MAP3K7CL: variants seen among roughly 807,000 people sequenced by gnomAD.
MAP3K7CL encodes the protein MAP3K7 C-terminal-like protein.
MAP3K7CL carries 16 observed loss-of-function variants against 18.6 expected under a neutral mutation model. The observed-to-expected ratio is 0.86, with a 90% CI of 0.58 to 1.31. The LOEUF is 1.31. Ranked by LOEUF, MAP3K7CL falls within the 50% of genes most tolerant of loss-of-function variation. The pLI is 0.00. For missense variants in MAP3K7CL, 163 were observed against 174.4 expected (o/e 0.93, Z 0.37); for synonymous variants, 65 against 66.8 (o/e 0.97, Z 0.13).
upstream of MAP3K7CL, among the ~76,000 whole-genome samples, chr21:29,085,308 A>C (rs1394320465): frequency 6.6e-6 from 1 of 152,202 alleles, no homozygotes; most frequent in Non-Finnish European, 1.5e-5. Flanking sequence ...GAGAAACATA[A>C]TTGAGGCTTT....
At chr21:29,117,323 C>A (rs2086519895) in intron 4 of MAP3K7CL, among the ~76,000 whole-genome samples, 2 of 152,182 alleles carry the variant, frequency 1.3e-5, no homozygotes, top group Admixed American at 1.3e-4. Flanking sequence ...ATGGACTTAA[C>A]AATGCTATTT....
intron 4 of MAP3K7CL, among the ~76,000 whole-genome samples, chr21:29,111,097 A>G (rs2086411300): frequency 6.6e-6 from 1 of 152,040 alleles, no homozygotes; most frequent in Non-Finnish European, 1.5e-5. Context: ...TCTACTAAAT[A>G]TACAAAAACT....
At chr21:29,162,530 A>G (rs1202199663) in intron 4 of MAP3K7CL, among the ~76,000 whole-genome samples, 1 of 151,626 alleles carries the variant, frequency 6.6e-6, no homozygotes, top group African/African-American at 2.4e-5. Context: ...AAAAAATACA[A>G]AAATTAGCCT....
upstream of MAP3K7CL, among the ~76,000 whole-genome samples, chr21:29,129,212 A>G (rs1314650576): frequency 1.3e-5 from 2 of 152,258 alleles, no homozygotes; most frequent in South Asian, 4.1e-4. Context: ...AGTTTACATT[A>G]GGGTTCACTC....
chr21:29,089,116 G>A (rs1171889490), intron 1 of MAP3K7CL, among the ~76,000 whole-genome samples: 1 of 140,258 alleles, frequency 7.1e-6, no homozygotes, highest in Non-Finnish European at 1.5e-5. Flanking sequence ...GTTGCAGTGA[G>A]CCGAGATCGC....
intron 1 of MAP3K7CL, among the ~76,000 whole-genome samples, chr21:29,088,717 T>C (rs1444403540): frequency 6.6e-6 from 1 of 152,018 alleles, no homozygotes; most frequent in Non-Finnish European, 1.5e-5. Context: ...CACAGGAAAG[T>C]GTGTGTGCAT....
At chr21:29,083,027 G>A (rs2085862691), upstream of MAP3K7CL, among the ~76,000 whole-genome samples, 1 of 151,688 alleles carries the variant, frequency 6.6e-6, no homozygotes. Flanking sequence ...CATTCTTCGT[G>A]TCACAGAGCA....
intron 4 of MAP3K7CL, among the ~76,000 whole-genome samples, chr21:29,114,889 G>A (rs2086479746): frequency 6.6e-6 from 1 of 152,200 alleles, no homozygotes; most frequent in Non-Finnish European, 1.5e-5. Flanking sequence ...GGTGGGTGTG[G>A]AAAGACTTGG....
At chr21:29,078,552 G>C (rs1419626716) in intron 1 of MAP3K7CL, among the ~76,000 whole-genome samples, 1 of 152,082 alleles carries the variant, frequency 6.6e-6, no homozygotes, top group African/African-American at 2.4e-5. Flanking sequence ...GAGAAGGAGA[G>C]ACTTTAAATG....
At chr21:29,109,836 C>T in intron 4 of MAP3K7CL, 2 of 966,152 alleles carry the variant, frequency 2.1e-6, no homozygotes, top group Non-Finnish European at 2.5e-6. Context: ...ATAGTGTAGA[C>T]TCCCAGGAGT....
At chr21:29,161,341 G>T (rs1025947911) in intron 4 of MAP3K7CL, among the ~76,000 whole-genome samples, 1 of 151,980 alleles carries the variant, frequency 6.6e-6, no homozygotes. Context: ...TTACAGATGG[G>T]ATCTTGTTAT....
upstream of MAP3K7CL, among the ~76,000 whole-genome samples, chr21:29,085,591 A>C (rs949215309): frequency 6.6e-6 from 1 of 151,912 alleles, no homozygotes; most frequent in African/African-American, 2.4e-5. Flanking sequence ...TTCTATCAAA[A>C]ATGATTCAAA....
chr21:29,151,112 T>C (rs2087262420), intron 3 of MAP3K7CL, among the ~76,000 whole-genome samples: 1 of 151,872 alleles, frequency 6.6e-6, no homozygotes, highest in Non-Finnish European at 1.5e-5. Context: ...TGATAGTTCT[T>C]GCTTAGGTTC....
At chr21:29,164,139 G>GTAAA (rs982042953) in intron 4 of MAP3K7CL, among the ~76,000 whole-genome samples, 3 of 151,594 alleles carry the variant, frequency 2.0e-5, no homozygotes, top group African/African-American at 7.3e-5. Context: ...TGTTAAATTG[G>GTAAA]GAAATATGGT....
chr21:29,139,672 C>T (rs1370561058), intron 2 of MAP3K7CL, among the ~76,000 whole-genome samples: 1 of 151,494 alleles, frequency 6.6e-6, no homozygotes, highest in Non-Finnish European at 1.5e-5. Flanking sequence ...GCAACCTTCA[C>T]CTCCAGGGTT....
At chr21:29,079,072 C>A (rs1271419418) in intron 1 of MAP3K7CL, among the ~76,000 whole-genome samples, 3 of 152,176 alleles carry the variant, frequency 2.0e-5, no homozygotes, top group Non-Finnish European at 4.4e-5. Flanking sequence ...TTGGGTAATG[C>A]AGCTCGGTGG....
At chr21:29,104,770 C>T (rs1037550798) in intron 4 of MAP3K7CL, among the ~76,000 whole-genome samples, 2 of 152,196 alleles carry the variant, frequency 1.3e-5, no homozygotes, top group Admixed American at 6.5e-5. Context: ...TGAACCACAG[C>T]GTGTCCTTCG....
At chr21:29,085,195 A>T (rs2085902535), upstream of MAP3K7CL, 1 of 152,254 alleles carries the variant, frequency 6.6e-6, no homozygotes, top group African/African-American at 2.4e-5. Flanking sequence ...ATGGGGTGGG[A>T]ATGTGCAAGC....
intron 2 of MAP3K7CL, among the ~76,000 whole-genome samples, chr21:29,144,213 T>C (rs1295829464): frequency 6.6e-6 from 1 of 151,946 alleles, no homozygotes; most frequent in African/African-American, 2.4e-5. Context: ...AAGCAGGGGC[T>C]TGATCTTGGC....
Sources: allele counts gnomAD v4.1 joint callset (sites outside exome capture counted in the v4.1 genomes callset), GRCh38; gene constraint gnomAD v4.1.1; transcripts MANE v1.5; gene names NCBI Gene and HGNC (gene_info 2026-07-23, HGNC 2026-07-21).